The following RIT2 variants were observed in gnomAD, a reference collection of about 807,000 sequenced individuals.
RIT2 encodes the protein GTP-binding protein Rit2.
In RIT2, 24 loss-of-function variants were observed where a neutral mutation model predicts 23.7. That is an observed-to-expected ratio of 1.01 (90% CI 0.73 to 1.43). The LOEUF is 1.43. Ranked by LOEUF, RIT2 falls within the 40% of genes most tolerant of loss-of-function variation. The pLI is 0.00. For synonymous variants in RIT2, 107 were observed against 91.1 expected, an observed-to-expected ratio of 1.17 and a Z score of -0.99; for missense variants, 236 against 266.9, an observed-to-expected ratio of 0.88 and a Z score of 0.81.
At chr18:42,977,064 G>T (rs1910492292) in intron 2 of RIT2, among the ~76,000 whole-genome samples, 1 of 151,980 alleles carries the variant, frequency 6.6e-6, no homozygotes, top group Non-Finnish European at 1.5e-5. Flanking sequence ...ATAACCACAG[G>T]TTTAATTTTA....
chr18:43,053,498 G>A (rs576714712), intron 1 of RIT2, among the ~76,000 whole-genome samples: 2 of 151,946 alleles, frequency 1.3e-5, no homozygotes, highest in Non-Finnish European at 1.5e-5. Context: ...AAATGGGATG[G>A]TAAGGAAAAA....
At chr18:42,790,868 A>G (rs1177311317) in intron 4 of RIT2, among the ~76,000 whole-genome samples, 1 of 152,102 alleles carries the variant, frequency 6.6e-6, no homozygotes, top group African/African-American at 2.4e-5. Context: ...GACATTGTTG[A>G]CTCTGTTCTA....
At chr18:43,080,036 G>A (rs534924077) in intron 1 of RIT2, among the ~76,000 whole-genome samples, 1 of 152,294 alleles carries the variant, frequency 6.6e-6, no homozygotes, top group East Asian at 1.9e-4. Flanking sequence ...TAATTAAAGA[G>A]AGGGAACTGA....
intron 4 of RIT2, among the ~76,000 whole-genome samples, chr18:42,770,378 T>A (rs1452305727): frequency 6.6e-6 from 1 of 152,190 alleles, no homozygotes; most frequent in East Asian, 1.9e-4. Context: ...CACACGTATA[T>A]TCTTGCAGTT....
intron 3 of RIT2, among the ~76,000 whole-genome samples, chr18:42,927,338 A>G (rs1282332261): frequency 7.2e-6 from 1 of 139,250 alleles, no homozygotes; most frequent in African/African-American, 2.7e-5. Context: ...AACTCTTTAC[A>G]CAACACGTAT....
chr18:42,886,321 G>C (rs1908022036), intron 4 of RIT2, among the ~76,000 whole-genome samples: 1 of 152,076 alleles, frequency 6.6e-6, no homozygotes, highest in South Asian at 2.1e-4. Flanking sequence ...CAATATAAAT[G>C]AGCATAATAA....
At chr18:42,877,829 C>T (rs1907782869) in intron 4 of RIT2, among the ~76,000 whole-genome samples, 1 of 151,546 alleles carries the variant, frequency 6.6e-6, no homozygotes, top group East Asian at 1.9e-4. Flanking sequence ...AAACTAACTT[C>T]AGATTATATG....
At chr18:42,797,616 AC>A (rs1203411493) in intron 4 of RIT2, among the ~76,000 whole-genome samples, 1 of 152,096 alleles carries the variant, frequency 6.6e-6, no homozygotes, top group African/African-American at 2.4e-5. Context: ...CAAATGCAAG[AC>A]CCCCAAGATC....
intron 4 of RIT2, among the ~76,000 whole-genome samples, chr18:42,812,177 G>A (rs1385501792): frequency 1.3e-5 from 2 of 152,102 alleles, no homozygotes; most frequent in South Asian, 2.1e-4. Flanking sequence ...TAGAGACTTT[G>A]AAAATAGCTA....
chr18:42,970,246 T>C lies in RIT2; in HGVS notation c.234+3828A>G, dbSNP rs192560943. Among the ~76,000 whole-genome samples the C allele has an allele frequency of 4.4e-3, 666 of 151,676 alleles. 3 individuals are homozygous for C. Among genetic ancestry groups the C allele is most frequent in the African/African-American group, 0.015 (628 of 41,072 alleles). ...CTATAAAGAAATTCTCAGCTCATTG[T>C]AAGAAAAACTCTTTCTAATAAGTAA... On this transcript the variant is annotated intron_variant, in intron 3 of 4. Coordinates refer to ENST00000326695, the MANE Select transcript of RIT2 (RefSeq NM_002930.4).
In RIT2 at chr18:42,923,683, T is replaced by TTGACGGTCAG. The variant is rs1169941643; in HGVS notation, c.305_314dup (p.Gln105HisfsTer2). The stretch of plus-strand genomic sequence containing the variant: ...TAAACTTGGCAGCCTCCTGAAATGA[T>TTGACGGTCAG]TGACGGTCAGTGACGGAGTAGCAGA... On this transcript the variant is annotated stop_gained and frameshift_variant, in exon 4 of 5. Coordinates refer to ENST00000326695, the MANE Select transcript of RIT2 (RefSeq NM_002930.4). LOFTEE classifies it high-confidence loss of function. 6.2e-7 allele frequency: 1 copy of TTGACGGTCAG among 1,613,242 alleles called. No individual in the cohort carries two copies. Among genetic ancestry groups the TTGACGGTCAG allele is most frequent in the Non-Finnish European group, 8.5e-7 (1 of 1,179,632 alleles).
At chr18:42,750,375 G>A (rs1316320720) in intron 4 of RIT2, among the ~76,000 whole-genome samples, 1 of 151,682 alleles carries the variant, frequency 6.6e-6, no homozygotes, top group Non-Finnish European at 1.5e-5. Flanking sequence ...GTGATTTTTG[G>A]TGAGTTCATG....
At chr18:42,929,471 T>C (rs1909273941) in intron 3 of RIT2, among the ~76,000 whole-genome samples, 1 of 152,164 alleles carries the variant, frequency 6.6e-6, no homozygotes, top group African/African-American at 2.4e-5. Flanking sequence ...TAATTGAGAA[T>C]GATATTTAAA....
intron 4 of RIT2, among the ~76,000 whole-genome samples, chr18:42,842,509 G>C (rs911344973): frequency 6.6e-5 from 10 of 152,000 alleles, no homozygotes; most frequent in African/African-American, 2.4e-4. Context: ...ATACATTATA[G>C]GAGATGGTGG....
At chr18:43,081,621 G>A (rs1369429216) in intron 1 of RIT2, among the ~76,000 whole-genome samples, 1 of 152,084 alleles carries the variant, frequency 6.6e-6, no homozygotes, top group African/African-American at 2.4e-5. Flanking sequence ...GCAAACTAGG[G>A]TATCAAGAGG....
Position 42,876,111 on chromosome 18 carries a change from C to T in RIT2, c.426+47461G>A, listed in dbSNP as rs147172029. Among the ~76,000 whole-genome samples the T allele has an allele frequency of 1.1e-3, 160 of 151,930 alleles. 2 individuals carry two copies. Among genetic ancestry groups the T allele is most frequent in the South Asian group, 6.8e-3 (33 of 4,818 alleles). ...AGTTAGTCACTGAACTTGAACTATA[C>T]GGACTCAAAAAGTTTAGAGCTAGAA... On this transcript the variant is annotated intron_variant, in intron 4 of 4. Coordinates refer to ENST00000326695, the MANE Select transcript of RIT2 (RefSeq NM_002930.4).
At chr18:42,862,379 C>A (rs1295025658) in intron 4 of RIT2, among the ~76,000 whole-genome samples, 1 of 152,146 alleles carries the variant, frequency 6.6e-6, no homozygotes, top group African/African-American at 2.4e-5. Flanking sequence ...GTCAATTAAA[C>A]CTTTTTCATC....
chr18:43,049,972 C>CTTTTTTTTTTTTTTTTT (rs755291383), intron 1 of RIT2, among the ~76,000 whole-genome samples: 7 of 66,010 alleles, frequency 1.1e-4, no homozygotes, highest in African/African-American at 2.6e-4. Context: ...AAGGGATTTC[C>CTTTTTTTTTTTTTTTTT]TTTTTTTTTT....
intron 1 of RIT2, among the ~76,000 whole-genome samples, chr18:43,086,990 C>T (rs1029170788): frequency 5.3e-5 from 8 of 152,094 alleles, no homozygotes; most frequent in African/African-American, 1.4e-4. Context: ...TGGTTCATAC[C>T]TGTAATCATA....
Sources: allele counts gnomAD v4.1 joint callset (sites outside exome capture counted in the v4.1 genomes callset), GRCh38; gene constraint gnomAD v4.1.1; transcripts MANE v1.5; gene names NCBI Gene and HGNC (gene_info 2026-07-23, HGNC 2026-07-21).